The following NFE2L3 variants were observed in gnomAD, a reference collection of about 807,000 sequenced individuals.
NFE2L3 encodes the protein nuclear factor erythroid 2-related factor 3.
NFE2L3 carries 18 observed loss-of-function variants against 23.5 expected under a neutral mutation model. The observed-to-expected ratio is 0.77, with a 90% CI of 0.53 to 1.13. The LOEUF is 1.13. NFE2L3 is among the 50% of genes most tolerant of loss of function. NFE2L3 has a pLI of 0.00. For missense variants in NFE2L3, 1,152 were observed against 877.2 expected (o/e 1.31, Z -3.96); for synonymous variants, 424 against 354.5 (o/e 1.20, Z -2.20).
chr7:26,159,444 C>T (rs1784136639), intron 1 of NFE2L3, among the ~76,000 whole-genome samples: 1 of 152,220 alleles, frequency 6.6e-6, no homozygotes, highest in African/African-American at 2.4e-5. Flanking sequence ...CTCCTTTGAA[C>T]TGCAGTGGCT....
chr7:26,179,836 T>TC (rs1784475325), intron 2 of NFE2L3, among the ~76,000 whole-genome samples: 1 of 152,210 alleles, frequency 6.6e-6, no homozygotes, highest in Non-Finnish European at 1.5e-5. Flanking sequence ...AAATTGTTTC[T>TC]CTTGACCACG....
chr7:26,183,587 A>G, intron 2 of NFE2L3, 114 bp from the exon 3 acceptor site: 1 of 683,598 alleles, frequency 1.5e-6, no homozygotes, highest in Non-Finnish European at 2.6e-6. Flanking sequence ...GGAACATAAT[A>G]GCATAAAAAT....
rs1782485856 is a variant in NFE2L3, at chr7:26,186,288, T to TA, written c.*510dup. 1 of 152,304 alleles carries TA rather than the reference T, an allele frequency of 6.6e-6. No individual in the cohort carries two copies. Among genetic ancestry groups the TA allele is most frequent in the Non-Finnish European group, 1.5e-5 (1 of 68,102 alleles). The allele number at this position is 152,304 out of a possible 1,614,324, so 9.4% of individuals were successfully genotyped here. A position where few individuals can be genotyped will look rare whatever the true frequency, so the allele number is the denominator to read the frequency against. ...ATGGAAATAAATTTTGTATTTGTAT[T>TA]AAAAATTAACTTTTCCCTTTTATAC... On this transcript the variant is annotated 3_prime_UTR_variant, in exon 4 of 4. Transcript: ENST00000056233.
chr7:26,181,737 T>TTCA (rs1784515060), intron 2 of NFE2L3, among the ~76,000 whole-genome samples: 1 of 152,158 alleles, frequency 6.6e-6, no homozygotes, highest in Non-Finnish European at 1.5e-5. Context: ...GTTTAAATTG[T>TTCA]TCATAGGAAC....
At position 26,185,913 on chromosome 7, in the gene NFE2L3, C is replaced by A. The variant is rs6959867; in HGVS notation, c.*130C>A. 5.0e-3 allele frequency: 3,984 copies of A among 796,026 alleles called. 108 individuals carry two copies. The African/African-American group carries it at 0.063, about 13-fold the overall frequency. The allele number at this position is 796,026 out of a possible 1,614,324, so 49.3% of individuals were successfully genotyped here. A position where few individuals can be genotyped will look rare whatever the true frequency, so the allele number is the denominator to read the frequency against. On this transcript the variant is annotated 3_prime_UTR_variant, in exon 4 of 4. Transcript: ENST00000056233. ...ACTGCTACTTGAATAACTCAGTTAA[C>A]GCTGTTTTGAAGCTTACATGGACAA...
intron 2 of NFE2L3, among the ~76,000 whole-genome samples, chr7:26,181,011 C>T (rs887387115): frequency 2.6e-5 from 4 of 151,800 alleles, no homozygotes; most frequent in Non-Finnish European, 5.9e-5. Context: ...GGATCTCACT[C>T]TGTCACCCAG....
At chr7:26,170,777 G>C (rs1784320204) in intron 1 of NFE2L3, among the ~76,000 whole-genome samples, 1 of 152,182 alleles carries the variant, frequency 6.6e-6, no homozygotes, top group Non-Finnish European at 1.5e-5. Context: ...CATCAGAGAA[G>C]ACCCTGACTC....
In NFE2L3 at chr7:26,152,239, C is replaced by G. The variant is rs575911873; in HGVS notation, c.-260C>G. The G allele has an allele frequency of 4.9e-6, 1 of 202,462 alleles. No homozygotes were observed. Among genetic ancestry groups the G allele is most frequent in the Admixed American group, 6.0e-5 (1 of 16,802 alleles). The allele number at this position is 202,462 out of a possible 1,614,324, so 12.5% of individuals were successfully genotyped here. ...GCCGGGCTGCGGGCGGCTGGGCGAA[C>G]GGGCTCGGCGCTCAGGTGGCTCCTT... On this transcript the variant is annotated 5_prime_UTR_variant, in exon 1 of 4. Transcript: ENST00000056233. The surrounding 1 kb of genome is among the most constrained non-coding windows in gnomAD (Gnocchi z 4.4).
intron 1 of NFE2L3, among the ~76,000 whole-genome samples, chr7:26,158,158 C>T (rs1219570032): frequency 6.6e-6 from 1 of 152,170 alleles, no homozygotes; most frequent in Admixed American, 6.5e-5. Context: ...GAGCGATTCT[C>T]CTGCCTCAGC....
intron 2 of NFE2L3, among the ~76,000 whole-genome samples, chr7:26,181,656 CATAA>C (rs1184169764): frequency 6.6e-5 from 10 of 152,046 alleles, no homozygotes; most frequent in Admixed American, 5.2e-4. Flanking sequence ...TTAAAAATGA[CATAA>C]ATAGCCATGA....
chr7:26,152,509 T>G lies in NFE2L3; in HGVS notation c.11T>G (p.Leu4Arg). 7.2e-7 allele frequency: 1 copy of G among 1,382,396 alleles called. No individual in the cohort carries two copies. The highest frequency in any genetic ancestry group is 9.4e-7 in the Non-Finnish European group (1 of 1,068,082). The allele number at this position is 1,382,396 out of a possible 1,614,324, so 85.6% of individuals were successfully genotyped here. Reference sequence around the variant, plus strand: ...GGGCGCGCGGCGGCGATGAAGCACCTGAAGCGGTGGTGGTCGGCCGGCGGC... The same window carrying G: ...GGGCGCGCGGCGGCGATGAAGCACCGGAAGCGGTGGTGGTCGGCCGGCGGC... MKH[L>R]KRWWSAGGGL... Residue 4 changes from leucine (L) to arginine (R), a missense_variant, in exon 1 of 4, where the codon CTG becomes CGG. By Grantham distance (102) the Leu-to-Arg change is moderately radical (BLOSUM62 -2). Coordinates refer to ENST00000056233, the MANE Select transcript of NFE2L3 (RefSeq NM_004289.7). This position sits in a 1 kb window ranked among gnomAD's most constrained non-coding sequence, Gnocchi z 4.4.
chr7:26,184,672 A>G lies in NFE2L3; in HGVS notation c.974A>G (p.Asn325Ser), dbSNP rs143091809. The change falls in exon 4 of 4, where the codon AAT becomes AGT. Residue 325 changes from asparagine (N) to serine (S), a missense_variant. Physicochemically the swap from Asn to Ser is conservative, Grantham distance 46 (BLOSUM62 1). Coordinates refer to ENST00000056233, the MANE Select transcript of NFE2L3 (RefSeq NM_004289.7). ...LHEAILLCPN[N>S]TFRRDPTART... ...GAGGCCATCTTGCTTTGTCCCAACAATACATTTAGAAGAGATCCAACAGCA... is the reference window on the plus strand; with the variant it reads ...GAGGCCATCTTGCTTTGTCCCAACAGTACATTTAGAAGAGATCCAACAGCA... 2.5e-6 allele frequency: 4 copies of G among 1,613,908 alleles called. No individual in the cohort carries two copies. The highest frequency in any genetic ancestry group is 3.4e-6 in the Non-Finnish European group (4 of 1,179,844).
At chr7:26,169,388 A>G (rs1298076494) in intron 1 of NFE2L3, among the ~76,000 whole-genome samples, 1 of 152,194 alleles carries the variant, frequency 6.6e-6, no homozygotes, top group African/African-American at 2.4e-5. Context: ...GCTGACATGG[A>G]TGCATCAGAC....
At chr7:26,172,991 A>G (rs975870788) in intron 1 of NFE2L3, among the ~76,000 whole-genome samples, 1 of 151,970 alleles carries the variant, frequency 6.6e-6, no homozygotes, top group African/African-American at 2.4e-5. Flanking sequence ...TTCTCCTTTT[A>G]TATTTATTAT....
chr7:26,168,352 G>A (rs914885827), intron 1 of NFE2L3, among the ~76,000 whole-genome samples: 1 of 144,906 alleles, frequency 6.9e-6, no homozygotes, highest in African/African-American at 2.6e-5. Context: ...GCCCAGACTG[G>A]TCTCAAACTC....
At chr7:26,183,884 A>T in intron 3 of NFE2L3, 100 bp downstream of exon 3, 1 of 769,714 alleles carries the variant, frequency 1.3e-6, no homozygotes, top group South Asian at 1.6e-5. Context: ...AGCAGTTTAA[A>T]GTAATGCTTA....
At position 26,186,033 on chromosome 7, in the gene NFE2L3, A is replaced by C. The variant is rs1477782228; in HGVS notation, c.*250A>C. 1 of 336,292 alleles carries C rather than the reference A, an allele frequency of 3.0e-6. No individual in the cohort carries two copies. Among genetic ancestry groups the C allele is most frequent in the Non-Finnish European group, 5.4e-6 (1 of 185,730 alleles). The allele number at this position is 336,292 out of a possible 1,614,324, so 20.8% of individuals were successfully genotyped here. A position where few individuals can be genotyped will look rare whatever the true frequency, so the allele number is the denominator to read the frequency against. Reference sequence around the variant, plus strand: ...TATACAAAATTCATAGTTATGTCCAAAGAATAGGTTAACATGAAAACCCAG... The same window carrying C: ...TATACAAAATTCATAGTTATGTCCACAGAATAGGTTAACATGAAAACCCAG... On this transcript the variant is annotated 3_prime_UTR_variant, in exon 4 of 4. Transcript: ENST00000056233.
At chr7:26,166,459 TGTGGC>T (rs1241313353) in intron 1 of NFE2L3, among the ~76,000 whole-genome samples, 2 of 152,218 alleles carry the variant, frequency 1.3e-5, no homozygotes, top group African/African-American at 4.8e-5. Context: ...GAACCAGTAC[TGTGGC>T]CAAGAGCTGG....
chr7:26,152,362 C>A lies in NFE2L3; in HGVS notation c.-137C>A. The A allele has an allele frequency of 1.9e-6, 1 of 531,778 alleles. No homozygotes were observed. The highest frequency in any genetic ancestry group is 2.7e-6 in the Non-Finnish European group (1 of 374,562). 32.9% of individuals were successfully genotyped at this position (531,778 alleles called of 1,614,324 possible). On this transcript the variant is annotated 5_prime_UTR_variant, in exon 1 of 4. Coordinates refer to ENST00000056233, the MANE Select transcript of NFE2L3 (RefSeq NM_004289.7). This position sits in a 1 kb window ranked among gnomAD's most constrained non-coding sequence, Gnocchi z 4.4. The stretch of plus-strand genomic sequence containing the variant: ...CTGGGAACCCGCGACGGCCGCCACG[C>A]GCCCCGGTCCATTGTTTCGCTTATC...
Sources: gnomAD v4.1 joint callset for allele counts (sites outside exome capture counted in the v4.1 genomes callset) on GRCh38, gnomAD v4.1.1 for gene constraint, Gnocchi (gnomAD v3.1) non-coding constraint, MANE v1.5 for transcripts, NCBI Gene and HGNC (gene_info 2026-07-23, HGNC 2026-07-21) for gene names.